The following YIPF7 variants were observed in gnomAD, a reference collection of about 807,000 sequenced individuals.
YIPF7 encodes Yip1 domain family member 7.
In YIPF7, 35 loss-of-function variants were observed where a neutral mutation model predicts 27.2. The observed-to-expected ratio is 1.29, with a 90% CI of 0.98 to 1.70. The LOEUF is 1.70. YIPF7 is among the 40% of genes most tolerant of loss of function. YIPF7 has a pLI of 0.00. For synonymous variants in YIPF7, 137 were observed against 110.4 expected (o/e 1.24, Z -1.51); for missense variants, 358 against 303.7 (o/e 1.18, Z -1.33).
chr4:44,655,289 T>A (rs1017935314), upstream of YIPF7, among the ~76,000 whole-genome samples: 1 of 152,046 alleles, frequency 6.6e-6, no homozygotes, highest in African/African-American at 2.4e-5. Flanking sequence ...CATTCATCAC[T>A]GCAGTCCTCT....
intron 5 of YIPF7, 90 bp from the exon 6 acceptor site, chr4:44,622,666 T>G: frequency 2.1e-6 from 3 of 1,451,710 alleles, no homozygotes; most frequent in Non-Finnish European, 2.8e-6. Context: ...TGGCACAATA[T>G]TTATAACTAC....
chr4:44,649,888 C>A, intron 2 of YIPF7, 97 bp downstream of exon 2: 1 of 713,416 alleles, frequency 1.4e-6, no homozygotes, highest in Admixed American at 3.3e-5. Context: ...GACCCTTCAA[C>A]TTTCATAATA....
At chr4:44,637,037 T>C (rs1030187204) in intron 2 of YIPF7, among the ~76,000 whole-genome samples, 2 of 152,220 alleles carry the variant, frequency 1.3e-5, no homozygotes, top group African/African-American at 2.4e-5. Flanking sequence ...TCACTTAAGA[T>C]AGTGATTTCC....
chr4:44,630,454 G>A (rs1712845901), intron 3 of YIPF7, among the ~76,000 whole-genome samples: 1 of 152,188 alleles, frequency 6.6e-6, no homozygotes, highest in African/African-American at 2.4e-5. Context: ...GAGGGGAAAA[G>A]GGCTCTTTCT....
rs1712801856 is a variant in YIPF7 at position 44,629,471 on chromosome 4, T to C, written c.358A>G (p.Ile120Val). ...LNPMKPVDGS[I>V]MNETDLTGPI... ...CCAGTGAGGTCCGTTTCATTCATAATGCTGCCATCTACTGGCTTCATTGGG... is the reference window on the plus strand; with the variant it reads ...CCAGTGAGGTCCGTTTCATTCATAACGCTGCCATCTACTGGCTTCATTGGG... The change falls in exon 4 of 6, where the codon ATT (isoleucine) becomes GTT (valine). Residue 120 changes from isoleucine (I) to valine (V), a missense_variant. Transcript: ENST00000415895. The C allele has an allele frequency of 2.5e-6, 4 of 1,597,204 alleles. No homozygotes were observed. The highest frequency in any genetic ancestry group is 3.4e-6 in the Non-Finnish European group (4 of 1,171,364).
chr4:44,647,153 C>T (rs1713556172), intron 2 of YIPF7, among the ~76,000 whole-genome samples: 1 of 152,114 alleles, frequency 6.6e-6, no homozygotes, highest in Non-Finnish European at 1.5e-5. Flanking sequence ...GCATCTGAAG[C>T]AGGGAAGGCC....
At position 44,629,527 on chromosome 4, in the gene YIPF7, T is replaced by G. The variant is rs1391514702; in HGVS notation, c.302A>C (p.His101Pro). The G allele has an allele frequency of 1.3e-6, 2 of 1,547,546 alleles. No homozygotes were observed. Among genetic ancestry groups the G allele is most frequent in the Non-Finnish European group, 1.7e-6 (2 of 1,147,242 alleles). The change falls in exon 4 of 6, where the codon CAC (histidine) becomes CCC (proline). Residue 101 changes from histidine to proline, a missense_variant. Coordinates refer to ENST00000415895, the MANE Select transcript of YIPF7 (RefSeq NM_182592.3). Reference protein sequence around the residue: ...LLEELGIHFDHIWQKTLTVLN... With the variant: ...LLEELGIHFDPIWQKTLTVLN... ...CACTGTCAAAGTTTTTTGCCATATG[T>G]GATCAAAATGGATTCCAAGTTCTGT...
At chr4:44,640,644 A>G (rs935032975) in intron 2 of YIPF7, among the ~76,000 whole-genome samples, 1 of 152,120 alleles carries the variant, frequency 6.6e-6, no homozygotes, top group East Asian at 1.9e-4. Flanking sequence ...AGCCAACCCA[A>G]CTGTTGCCCC....
chr4:44,631,213 T>C (rs994398197), intron 3 of YIPF7, among the ~76,000 whole-genome samples: 1 of 152,186 alleles, frequency 6.6e-6, no homozygotes. Context: ...CATAGATTTG[T>C]GGTCAGGTCA....
At chr4:44,624,324 A>G (rs2109574163) in intron 5 of YIPF7, among the ~76,000 whole-genome samples, 1 of 152,196 alleles carries the variant, frequency 6.6e-6, no homozygotes, top group Admixed American at 6.5e-5. Context: ...TCGGCCTCCC[A>G]AAGTGCTGGG....
At chr4:44,633,899 C>G (rs1713011715) in intron 3 of YIPF7, among the ~76,000 whole-genome samples, 1 of 151,834 alleles carries the variant, frequency 6.6e-6, no homozygotes, top group South Asian at 2.1e-4. Flanking sequence ...TTTTAGTAAC[C>G]CAGAGGTACA....
In YIPF7 at chr4:44,626,911, G is replaced by A. The variant is rs534494299; in HGVS notation, c.427-2129C>T. The stretch of plus-strand genomic sequence containing the variant: ...CTGCTTCAGCCTCCCGCGTAGCTGG[G>A]ACTACAGGTGCCTGCCACCACACCT... On this transcript the variant is annotated intron_variant, in intron 4 of 5. Transcript: ENST00000415895. Among the ~76,000 whole-genome samples the A allele has an allele frequency of 4.4e-4, 67 of 150,828 alleles. No individual in the cohort carries two copies. In the South Asian group the frequency reaches 0.014, roughly 32 times the overall value.
At chr4:44,633,572 T>A (rs1165273662) in intron 3 of YIPF7, among the ~76,000 whole-genome samples, 1 of 152,116 alleles carries the variant, frequency 6.6e-6, no homozygotes, top group African/African-American at 2.4e-5. Flanking sequence ...ATAGAGGCAG[T>A]ACTTAGAGCT....
intron 2 of YIPF7, among the ~76,000 whole-genome samples, chr4:44,645,920 G>A (rs1373413283): frequency 6.6e-6 from 1 of 151,938 alleles, no homozygotes; most frequent in Non-Finnish European, 1.5e-5. Context: ...TAGAATAAAG[G>A]CAGCAAGGAG....
intron 2 of YIPF7, among the ~76,000 whole-genome samples, chr4:44,647,841 A>ATATGTATT (rs1713581159): frequency 6.6e-6 from 1 of 152,150 alleles, no homozygotes; most frequent in Admixed American, 6.5e-5. Flanking sequence ...ACTGCCTGTT[A>ATATGTATT]TATGTATTCT....
chr4:44,643,869 G>A (rs1248573855), intron 2 of YIPF7, among the ~76,000 whole-genome samples: 3 of 152,082 alleles, frequency 2.0e-5, no homozygotes, highest in African/African-American at 7.2e-5. Flanking sequence ...AGATTCCAGA[G>A]GATTTATGGA....
At chr4:44,651,421 T>G in intron 1 of YIPF7, 133 bp downstream of exon 1, 1 of 472,530 alleles carries the variant, frequency 2.1e-6, no homozygotes, top group Non-Finnish European at 3.7e-6. Context: ...AGAGAGTAAT[T>G]TATTGAGAAT....
intron 2 of YIPF7, among the ~76,000 whole-genome samples, chr4:44,658,664 A>G (rs1713966951): frequency 3.3e-5 from 5 of 152,222 alleles, no homozygotes; most frequent in Admixed American, 3.3e-4. Flanking sequence ...TATTTGTATT[A>G]GTAGTTTTCA....
At chr4:44,649,207 T>C (rs1713639513) in intron 2 of YIPF7, among the ~76,000 whole-genome samples, 1 of 152,150 alleles carries the variant, frequency 6.6e-6, no homozygotes, top group Non-Finnish European at 1.5e-5. Flanking sequence ...CCCTGGAAAA[T>C]ATTAGGCAAA....
Sources: allele counts gnomAD v4.1 joint callset (sites outside exome capture counted in the v4.1 genomes callset), GRCh38; gene constraint gnomAD v4.1.1; transcripts MANE v1.5; gene names NCBI Gene and HGNC (gene_info 2026-07-23, HGNC 2026-07-21).